DNAH12: variants seen among roughly 807,000 people sequenced by gnomAD.
DNAH12 encodes the protein dynein axonemal heavy chain 12, also known as axonemal beta dynein heavy chain 12.
Under a neutral mutation model 371.5 loss-of-function variants are expected in DNAH12, and 285 were observed. The ratio of observed to expected loss-of-function variants is 0.77; its 90% CI spans 0.70 to 0.85. The LOEUF is 0.85. DNAH12 is among the 40% of genes least tolerant of loss of function. The pLI is 0.00. For synonymous variants in DNAH12, 1,200 were observed against 1,213.0 expected (o/e 0.99, Z 0.22); for missense variants, 3,611 against 3,689.4 (o/e 0.98, Z 0.55).
intron 2 of DNAH12, among the ~76,000 whole-genome samples, chr3:57,539,217 G>A (rs1247930376): frequency 6.6e-6 from 1 of 152,200 alleles, no homozygotes; most frequent in African/African-American, 2.4e-5. Context: ...TCTTTTAAAT[G>A]TAAATCAGGT....
intron 23 of DNAH12, among the ~76,000 whole-genome samples, chr3:57,454,302 T>C (rs2065841254): frequency 6.6e-6 from 1 of 151,852 alleles, no homozygotes; most frequent in African/African-American, 2.4e-5. Flanking sequence ...CCAACATGGA[T>C]AAACCCCATC....
Position 57,342,651 on chromosome 3 carries a change from CAAAA to C in DNAH12, c.9675-7715_9675-7712del, listed in dbSNP as rs71088061. On this transcript the variant is annotated intron_variant, in intron 60 of 73. Coordinates refer to ENST00000495027, the MANE Select transcript of DNAH12 (RefSeq NM_001366028.2). ...CCAGCCTGGGCGACAGACTGAGACT[CAAAA>C]AAAAAAAAAAAAAAAAAGGAAAGAA... 2.6e-3 allele frequency among the ~76,000 whole-genome samples: 92 copies of C among 35,072 alleles called. 1 individual carries two copies. The highest frequency in any genetic ancestry group is 9.4e-3 in the African/African-American group (74 of 7,870). The allele number at this position is 35,072 out of a possible 152,430, so 23.0% of individuals were successfully genotyped here. A position where few individuals can be genotyped will look rare whatever the true frequency, so the allele number is the denominator to read the frequency against.
chr3:57,472,783 GA>G, intron 13 of DNAH12, 112 bp from the exon 14 acceptor site: 1 of 1,118,598 alleles, frequency 8.9e-7, no homozygotes, highest in Non-Finnish European at 1.3e-6. Flanking sequence ...GTTTGACTCA[GA>G]TTATTAACTG....
chr3:57,302,529 G>GTATA (rs71088055), intron 69 of DNAH12, among the ~76,000 whole-genome samples: 3 of 47,850 alleles, frequency 6.3e-5, no homozygotes, highest in African/African-American at 8.5e-5. Flanking sequence ...GGCATCAGGT[G>GTATA]TATATATATA....
chr3:57,309,077 C>A, intron 69 of DNAH12, 74 bp downstream of exon 69: 1 of 1,254,452 alleles, frequency 8.0e-7, no homozygotes, highest in East Asian at 2.6e-5. Context: ...CCCAACACTT[C>A]AACACTATTT....
rs2062691301 is a variant in DNAH12, at chr3:57,352,165, G to A, written c.9594C>T (p.Asn3198=). ...LRYLNDHFTY[N]LYCNICRSLF... is the part of the protein sequence containing the mutation. ...GTGATCGGCATATATTACAATATAA[G>A]TTGTATGTGAAGTGGTCATTTAAAT... The change falls in exon 60 of 74, where the codon AAC becomes AAT. Residue 3198 remains asparagine (N), a synonymous_variant. Coordinates refer to ENST00000495027, the MANE Select transcript of DNAH12 (RefSeq NM_001366028.2). 6.5e-7 allele frequency: 1 copy of A among 1,543,772 alleles called. No homozygotes were observed. Among genetic ancestry groups the A allele is most frequent in the East Asian group, 2.5e-5 (1 of 40,580 alleles).
chr3:57,322,756 C>T (rs1245473220), intron 64 of DNAH12, among the ~76,000 whole-genome samples: 1 of 152,080 alleles, frequency 6.6e-6, no homozygotes, highest in Non-Finnish European at 1.5e-5. Flanking sequence ...ATGGTGAAAC[C>T]CCATTTCTAC....
chr3:57,386,576 G>A lies in DNAH12; in HGVS notation c.7467C>T (p.Asn2489=), dbSNP rs1011099199. 16 of 152,298 alleles carry A rather than the reference G, an allele frequency of 1.1e-4. No homozygotes were observed. The highest frequency in any genetic ancestry group is 2.0e-4 in the Admixed American group (3 of 15,294). The allele number at this position is 152,298 out of a possible 1,614,324, so 9.4% of individuals were successfully genotyped here. A position where few individuals can be genotyped will look rare whatever the true frequency, so the allele number is the denominator to read the frequency against. Residue 2489 remains asparagine, a synonymous_variant, in exon 47 of 74, where the codon AAC becomes AAT. Coordinates refer to ENST00000495027, the MANE Select transcript of DNAH12 (RefSeq NM_001366028.2). ...CAAGATAAGAAGTAGCAGTAACATA[G>A]TTATGTCGTCCTAACTCATGCAAGA... The part of the protein sequence containing the change: ...ERFLHELGRH[N]YVTATSYLEL...
At chr3:57,316,132 C>CT (rs371920966) in intron 65 of DNAH12, among the ~76,000 whole-genome samples, 13,189 of 149,236 alleles carry the variant, frequency 0.088, 1,915 homozygotes, top group African/African-American at 0.3. Context: ...AACCCCTTCC[C>CT]CTTTTTTTTT....
chr3:57,446,514 T>A, intron 26 of DNAH12, 23 bp downstream of exon 26: 1 of 1,513,246 alleles, frequency 6.6e-7, no homozygotes, highest in South Asian at 1.3e-5. Flanking sequence ...CATTTAATAT[T>A]ATTGATTCAG....
chr3:57,380,543 G>T (rs1226574325), intron 50 of DNAH12, among the ~76,000 whole-genome samples, 176 bp from the exon 51 acceptor site: 1 of 152,008 alleles, frequency 6.6e-6, no homozygotes, highest in African/African-American at 2.4e-5. Flanking sequence ...GTGCAATATC[G>T]GCTCACTGCC....
chr3:57,429,388 C>T (rs1272178377), intron 33 of DNAH12, among the ~76,000 whole-genome samples: 1 of 152,134 alleles, frequency 6.6e-6, no homozygotes, highest in Non-Finnish European at 1.5e-5. Context: ...GTTGGTCAGG[C>T]TGGTCTTGAA....
At chr3:57,376,690 T>A (rs1000114477) in intron 53 of DNAH12, among the ~76,000 whole-genome samples, 1 of 152,124 alleles carries the variant, frequency 6.6e-6, no homozygotes, top group African/African-American at 2.4e-5. Flanking sequence ...TGAACATACA[T>A]AAAATTGGAA....
intron 4 of DNAH12, among the ~76,000 whole-genome samples, chr3:57,516,760 A>G (rs2068214685): frequency 6.6e-6 from 1 of 152,146 alleles, no homozygotes; most frequent in African/African-American, 2.4e-5. Flanking sequence ...CCATCTTCTA[A>G]AGAATCTAAG....
chr3:57,311,981 A>G (rs2061592584), intron 66 of DNAH12, among the ~76,000 whole-genome samples: 1 of 152,186 alleles, frequency 6.6e-6, no homozygotes, highest in Non-Finnish European at 1.5e-5. Flanking sequence ...AATGTGAAGT[A>G]ATATGAAGGC....
intron 11 of DNAH12, chr3:57,498,360 A>C: frequency 1.6e-6 from 1 of 610,858 alleles, no homozygotes; most frequent in Non-Finnish European, 2.9e-6. Context: ...TCTGTCACTC[A>C]AGTTGGAGTG....
intron 59 of DNAH12, among the ~76,000 whole-genome samples, chr3:57,353,914 A>C (rs1020411604): frequency 1.3e-5 from 2 of 152,226 alleles, no homozygotes; most frequent in African/African-American, 4.8e-5. Context: ...GGGAACACTT[A>C]TACACTGCTG....
chr3:57,479,401 GA>G (rs2066655470), intron 13 of DNAH12, among the ~76,000 whole-genome samples: 1 of 152,080 alleles, frequency 6.6e-6, no homozygotes, highest in Non-Finnish European at 1.5e-5. Flanking sequence ...CCCAATACAG[GA>G]GCACCCAGAT....
chr3:57,476,946 G>A (rs1051628579), intron 13 of DNAH12, among the ~76,000 whole-genome samples: 2 of 152,114 alleles, frequency 1.3e-5, no homozygotes, highest in African/African-American at 2.4e-5. Flanking sequence ...TAAGGGGGTG[G>A]AGCCAAGATG....
Sources: gnomAD v4.1 joint callset for allele counts (sites outside exome capture counted in the v4.1 genomes callset) on GRCh38, gnomAD v4.1.1 for gene constraint, MANE v1.5 for transcripts, NCBI Gene and HGNC (gene_info 2026-07-23, HGNC 2026-07-21) for gene names.